The following UBQLN1 variants were observed in gnomAD, a reference collection of about 807,000 sequenced individuals.
UBQLN1 encodes the protein ubiquilin 1, also known as ubiquilin-1.
Under a neutral mutation model 65.4 loss-of-function variants are expected in UBQLN1, and 13 were observed. The ratio of observed to expected loss-of-function variants is 0.20; its 90% CI spans 0.13 to 0.32. UBQLN1 has a LOEUF of 0.32. Ranked by LOEUF, UBQLN1 falls within the 10% of genes least tolerant of loss-of-function variation. The pLI, the probability that UBQLN1 is intolerant of heterozygous loss-of-function variation, is 1.00. For missense variants in UBQLN1, 561 were observed against 724.0 expected (o/e 0.77, Z 2.58); for synonymous variants, 267 against 247.8 (o/e 1.08, Z -0.73).
intron 2 of UBQLN1, among the ~76,000 whole-genome samples, chr9:83,685,479 T>G (rs556740283): frequency 7.2e-5 from 11 of 152,308 alleles, no homozygotes; most frequent in Middle Eastern, 3.4e-3. Flanking sequence ...GCAGTATTCT[T>G]TCTTAGTGAT....
chr9:83,672,229 T>C (rs1360129470), intron 6 of UBQLN1, among the ~76,000 whole-genome samples: 4 of 152,224 alleles, frequency 2.6e-5, no homozygotes, highest in African/African-American at 4.8e-5. Flanking sequence ...AGCAATGAAG[T>C]TGTTTTGCTT....
chr9:83,697,998 A>G (rs1587662661), intron 1 of UBQLN1, among the ~76,000 whole-genome samples: 1 of 152,136 alleles, frequency 6.6e-6, no homozygotes, highest in African/African-American at 2.4e-5. Flanking sequence ...GGCCTCCCAG[A>G]GTGCCGGGAT....
At chr9:83,698,156 T>TTA (rs1373379142) in intron 1 of UBQLN1, among the ~76,000 whole-genome samples, 41 of 152,300 alleles carry the variant, frequency 2.7e-4, no homozygotes, top group African/African-American at 9.9e-4. Flanking sequence ...ATATTGGCCA[T>TTA]TATGTCATTG....
rs962106527 is a variant in UBQLN1 at position 83,686,024 on chromosome 9, A to G, written c.312T>C (p.Leu104=). ...CATACCTGTTTTGTGTTTTAATGAC[A>G]AGGTGAACAGTAAGTCCATCATGAA... ...HGIHDGLTVH[L]VIKTQNRPQD... The change falls in exon 2 of 11, where the codon CTT becomes CTC. Residue 104 remains leucine (L), a synonymous_variant. Coordinates refer to ENST00000376395, the MANE Select transcript of UBQLN1 (RefSeq NM_013438.5). The G allele has an allele frequency of 1.9e-6, 3 of 1,605,770 alleles. No individual in the cohort carries two copies. Among genetic ancestry groups the G allele is most frequent in the Non-Finnish European group, 2.5e-6 (3 of 1,177,182 alleles).
chr9:83,690,551 T>G (rs1832110369), intron 1 of UBQLN1, among the ~76,000 whole-genome samples: 1 of 152,188 alleles, frequency 6.6e-6, no homozygotes, highest in Non-Finnish European at 1.5e-5. Context: ...AAAAATAGTT[T>G]TAAAAGTTGG....
chr9:83,665,567 C>T (rs11140202), intron 8 of UBQLN1, among the ~76,000 whole-genome samples: 40,560 of 152,102 alleles, frequency 0.27, 6,622 homozygotes, highest in East Asian at 0.8. Context: ...CAGTAAGGTA[C>T]ACTCTAAAAC....
intron 4 of UBQLN1, 24 bp downstream of exon 4, chr9:83,679,751 G>A (rs1323749975): frequency 1.2e-5 from 20 of 1,605,916 alleles, no homozygotes; most frequent in Admixed American, 1.7e-5. Context: ...TTAGCTAAAC[G>A]AACTGAAAGA....
chr9:83,689,861 A>T lies in UBQLN1; in HGVS notation c.181-3706T>A, dbSNP rs560510362. On this transcript the variant is annotated intron_variant, in intron 1 of 10. Coordinates refer to ENST00000376395, the MANE Select transcript of UBQLN1 (RefSeq NM_013438.5). Reference sequence around the variant, plus strand: ...CAACCCAATTGAAAAATGGCCAAGAAATTGAAACAGGAATTTCACAAAAAT... The same window carrying T: ...CAACCCAATTGAAAAATGGCCAAGATATTGAAACAGGAATTTCACAAAAAT... Among the ~76,000 whole-genome samples, 6 of 152,246 alleles carry T rather than the reference A, an allele frequency of 3.9e-5. No homozygotes were observed. In the South Asian group the frequency reaches 1.2e-3, roughly 31 times the overall value.
chr9:83,670,088 C>A (rs1342922325), intron 6 of UBQLN1, among the ~76,000 whole-genome samples: 1 of 151,976 alleles, frequency 6.6e-6, no homozygotes, highest in Non-Finnish European at 1.5e-5. Context: ...TATGTGAATT[C>A]CATATGTGAT....
chr9:83,682,934 T>C lies in UBQLN1; in HGVS notation c.448+17A>G. 1 of 1,503,746 alleles carries C rather than the reference T, an allele frequency of 6.7e-7. No homozygotes were observed. 93.2% of individuals were successfully genotyped at this position (1,503,746 alleles called of 1,614,324 possible). On this transcript the variant is annotated intron_variant, in intron 3 of 10. Coordinates refer to ENST00000376395, the MANE Select transcript of UBQLN1 (RefSeq NM_013438.5). ...GTATTTTTTCCCATCCCTACTGGAA[T>C]GACTAAAGACACTTACCTAAACCAA...
At chr9:83,693,995 T>G (rs1832169031) in intron 1 of UBQLN1, among the ~76,000 whole-genome samples, 1 of 152,216 alleles carries the variant, frequency 6.6e-6, no homozygotes, top group Non-Finnish European at 1.5e-5. Context: ...GCTAATCTAA[T>G]TATGCAAGGA....
chr9:83,701,723 T>C (rs540008093), intron 1 of UBQLN1, among the ~76,000 whole-genome samples: 5 of 152,016 alleles, frequency 3.3e-5, no homozygotes, highest in Non-Finnish European at 7.4e-5. Context: ...AGTGGAAATG[T>C]AAAATGGTAC....
chr9:83,707,454 G>A (rs781757120), intron 1 of UBQLN1, 46 bp downstream of exon 1: 6 of 1,559,394 alleles, frequency 3.8e-6, no homozygotes, highest in Admixed American at 4.0e-5. Flanking sequence ...GCGGGCGGAG[G>A]TCCTGCCGCC....
intron 6 of UBQLN1, among the ~76,000 whole-genome samples, chr9:83,672,186 G>A (rs750878075): frequency 4.6e-5 from 7 of 152,198 alleles, no homozygotes; most frequent in Admixed American, 1.3e-4. Context: ...TGGTGTGATC[G>A]TCTATCCAGA....
In UBQLN1 at chr9:83,679,776, T is replaced by C. The variant is rs1831910111; in HGVS notation, c.710A>G (p.Gln237Arg). 1.2e-6 allele frequency: 2 copies of C among 1,612,812 alleles called. No homozygotes were observed. Among genetic ancestry groups the C allele is most frequent in the Non-Finnish European group, 8.5e-7 (1 of 1,179,020 alleles). ...GAACTGAAAGAACTTTCCACATACT[T>C]GTCTCATTATATCTGGATTATTCAA... ...HMLNNPDIMR[Q>R]TLELARNPAM... The change falls in exon 4 of 11, where the codon CAA (glutamine) becomes CGA (arginine). Residue 237 changes from glutamine to arginine, a missense_variant and splice_region_variant. This residue lies in a region of UBQLN1 where 75 missense variants were observed against 138.9 expected (regional missense o/e 0.54). Transcript: ENST00000376395.
At chr9:83,686,232 T>A (rs925514820) in intron 1 of UBQLN1, 77 bp from the exon 2 acceptor site, 1 of 922,842 alleles carries the variant, frequency 1.1e-6, no homozygotes, top group Non-Finnish European at 1.6e-6. Flanking sequence ...AGGTACCTCA[T>A]AGAGGCCCCT....
chr9:83,707,649 G>C lies in UBQLN1; in HGVS notation c.31C>G (p.Pro11Ala), dbSNP rs767928636. Residue 11 changes from proline to alanine, a missense_variant, in exon 1 of 11, where the codon CCG becomes GCG. This residue lies in a region of UBQLN1 where 101 missense variants were observed against 104.9 expected (regional missense o/e 0.96). Coordinates refer to ENST00000376395, the MANE Select transcript of UBQLN1 (RefSeq NM_013438.5). ...CCGGCGGCGCTATCCTGGGAGCCCG[G>C]AGGACCGCCGCTTTCACCACTCTCG... MAESGESGGP[P>A]GSQDSAAGAE... is the part of the protein sequence containing the mutation. 1.7e-5 allele frequency: 26 copies of C among 1,563,220 alleles called. No individual in the cohort carries two copies. Among genetic ancestry groups the C allele is most frequent in the Non-Finnish European group, 2.0e-5 (23 of 1,155,594 alleles).
chr9:83,707,411 C>G, intron 1 of UBQLN1, 89 bp downstream of exon 1: 1 of 1,387,648 alleles, frequency 7.2e-7, no homozygotes, highest in Non-Finnish European at 9.6e-7. Context: ...GACGACCCCT[C>G]TCCCAGGCCC....
At position 83,696,828 on chromosome 9, in the gene UBQLN1, G is replaced by C. The variant is rs560263013; in HGVS notation, c.180+10672C>G. On this transcript the variant is annotated intron_variant, in intron 1 of 10. Transcript: ENST00000376395. Reference sequence around the variant, plus strand: ...AAGTTCTTACAGTACTCGGGGGCAGGGGGGCTGGGTGAAGGAGACAATCCA... The same window carrying C: ...AAGTTCTTACAGTACTCGGGGGCAGCGGGGCTGGGTGAAGGAGACAATCCA... Among the ~76,000 whole-genome samples, 3 of 152,236 alleles carry C rather than the reference G, an allele frequency of 2.0e-5. No individual in the cohort carries two copies. In the South Asian group the frequency reaches 6.2e-4, roughly 32 times the overall value.
Sources: allele counts gnomAD v4.1 joint callset (sites outside exome capture counted in the v4.1 genomes callset), GRCh38; gene constraint gnomAD v4.1.1; regional missense constraint gnomAD v4.1.1; transcripts MANE v1.5; gene names NCBI Gene and HGNC (gene_info 2026-07-23, HGNC 2026-07-21).